EPHA6: variants seen among roughly 807,000 people sequenced by gnomAD.
EPHA6 encodes the protein ephrin type-A receptor 6.
Under a neutral mutation model 112.0 loss-of-function variants are expected in EPHA6, and 50 were observed. The observed-to-expected ratio is 0.45, with a 90% CI of 0.36 to 0.56. The LOEUF is 0.56. EPHA6 is among the 20% of genes least tolerant of loss of function. The pLI is 0.00. For missense variants in EPHA6, 1,280 were observed against 1,417.4 expected, an observed-to-expected ratio of 0.90 and a Z score of 1.56; for synonymous variants, 529 against 490.7, an observed-to-expected ratio of 1.08 and a Z score of -1.03.
chr3:97,196,751 G>A (rs538828448), intron 3 of EPHA6, among the ~76,000 whole-genome samples: 6 of 151,962 alleles, frequency 3.9e-5, no homozygotes, highest in East Asian at 2.0e-4. Flanking sequence ...GTCCTGTCTC[G>A]GTGGTCTTGG....
chr3:96,818,700 T>G (rs1184733717), intron 1 of EPHA6, among the ~76,000 whole-genome samples: 1 of 151,926 alleles, frequency 6.6e-6, no homozygotes, highest in African/African-American at 2.4e-5. Flanking sequence ...ATGGAGACAT[T>G]GAGGAAATTT....
chr3:97,579,614 C>T (rs558539486), intron 11 of EPHA6, among the ~76,000 whole-genome samples: 1 of 152,190 alleles, frequency 6.6e-6, no homozygotes, highest in South Asian at 2.1e-4. Context: ...TCAGTATTTA[C>T]CCACAGCCTC....
intron 6 of EPHA6, among the ~76,000 whole-genome samples, chr3:97,413,438 C>T (rs1369717584): frequency 1.3e-5 from 2 of 151,730 alleles, no homozygotes; most frequent in Admixed American, 1.3e-4. Context: ...TGAGGCAGAT[C>T]GTTACATTCG....
At chr3:97,455,671 A>C (rs2090658300) in intron 7 of EPHA6, among the ~76,000 whole-genome samples, 1 of 152,032 alleles carries the variant, frequency 6.6e-6, no homozygotes, top group East Asian at 1.9e-4. Context: ...TCAAGTTCAC[A>C]GAGCTGTGCA....
intron 10 of EPHA6, among the ~76,000 whole-genome samples, chr3:97,504,014 A>T (rs1204882191): frequency 1.3e-5 from 2 of 152,202 alleles, no homozygotes; most frequent in African/African-American, 4.8e-5. Context: ...CAGGATTTTA[A>T]GTATTTTATA....
chr3:97,661,085 A>T (rs2094166812), intron 14 of EPHA6, among the ~76,000 whole-genome samples: 1 of 152,158 alleles, frequency 6.6e-6, no homozygotes, highest in South Asian at 2.1e-4. Context: ...GGAAAATATT[A>T]GTTCCCTGCT....
intron 2 of EPHA6, among the ~76,000 whole-genome samples, chr3:96,912,200 A>G (rs2039253997): frequency 6.6e-6 from 1 of 152,142 alleles, no homozygotes; most frequent in Middle Eastern, 3.2e-3. Flanking sequence ...ATTGAATAGG[A>G]TTATAAATAT....
intron 3 of EPHA6, among the ~76,000 whole-genome samples, chr3:97,006,069 T>G (rs888100346): frequency 6.6e-6 from 1 of 152,212 alleles, no homozygotes; most frequent in African/African-American, 2.4e-5. Context: ...GATATTGGCC[T>G]GAAGTTTTCT....
At chr3:96,868,489 A>C (rs1056989598) in intron 2 of EPHA6, among the ~76,000 whole-genome samples, 4 of 151,948 alleles carry the variant, frequency 2.6e-5, no homozygotes, top group Admixed American at 2.6e-4. Context: ...AGTTTATAAC[A>C]TGTAAACCAG....
intron 14 of EPHA6, among the ~76,000 whole-genome samples, chr3:97,668,724 G>A (rs934976391): frequency 6.6e-6 from 1 of 151,440 alleles, no homozygotes; most frequent in Non-Finnish European, 1.5e-5. Flanking sequence ...GACCAGCCTG[G>A]GCAACATGGC....
chr3:97,087,636 T>C (rs1271221712), intron 3 of EPHA6, among the ~76,000 whole-genome samples: 1 of 152,146 alleles, frequency 6.6e-6, no homozygotes, highest in Non-Finnish European at 1.5e-5. Flanking sequence ...TTCTACACAT[T>C]GAAAGGGCCT....
chr3:97,044,974 A>G lies in EPHA6; in HGVS notation c.1114+56981A>G, dbSNP rs79971692. ...GGAAAAGAACTCTTCTCATATGGAT[A>G]AATTAGTAGAAGAAAACTTTATTGT... On this transcript the variant is annotated intron_variant, in intron 3 of 17. Coordinates refer to ENST00000389672, the MANE Select transcript of EPHA6 (RefSeq NM_001080448.3). Among the ~76,000 whole-genome samples the G allele has an allele frequency of 3.0e-4, 45 of 152,226 alleles. 1 individual carries two copies. The East Asian group carries it at 8.5e-3, about 29-fold the overall frequency.
chr3:97,632,935 C>T (rs1003356267), intron 13 of EPHA6, among the ~76,000 whole-genome samples: 1 of 152,018 alleles, frequency 6.6e-6, no homozygotes, highest in African/African-American at 2.4e-5. Context: ...TCAGGACAGC[C>T]TGGCACTCAG....
At chr3:97,381,550 C>T (rs974868489) in intron 5 of EPHA6, among the ~76,000 whole-genome samples, 1 of 152,110 alleles carries the variant, frequency 6.6e-6, no homozygotes, top group African/African-American at 2.4e-5. Context: ...AACCACATCA[C>T]ATGCGGAAAA....
At chr3:96,891,762 G>A (rs532817488) in intron 2 of EPHA6, among the ~76,000 whole-genome samples, 9 of 152,260 alleles carry the variant, frequency 5.9e-5, no homozygotes, top group African/African-American at 2.2e-4. Flanking sequence ...TTTTGACATA[G>A]ATGATAGCTA....
chr3:97,014,128 AC>A (rs1209491054), intron 3 of EPHA6, among the ~76,000 whole-genome samples: 1 of 152,082 alleles, frequency 6.6e-6, no homozygotes, highest in Non-Finnish European at 1.5e-5. Flanking sequence ...CCCATTTTAT[AC>A]CTCTTGTCTT....
chr3:96,936,798 C>T (rs569574133), intron 2 of EPHA6, among the ~76,000 whole-genome samples: 2 of 152,006 alleles, frequency 1.3e-5, no homozygotes, highest in African/African-American at 4.8e-5. Flanking sequence ...TGTGATATTC[C>T]CCTTCCTGTG....
chr3:96,838,264 G>A (rs981768973), intron 1 of EPHA6, among the ~76,000 whole-genome samples: 33 of 152,122 alleles, frequency 2.2e-4, no homozygotes, highest in Non-Finnish European at 4.4e-5. Flanking sequence ...ATTCCATGGT[G>A]TATATGTGCA....
chr3:97,582,964 C>A (rs2093453251), intron 11 of EPHA6, among the ~76,000 whole-genome samples: 1 of 151,494 alleles, frequency 6.6e-6, no homozygotes, highest in Non-Finnish European at 1.5e-5. Flanking sequence ...GACAGCAAGA[C>A]TCACACTAGC....
Sources: gnomAD v4.1 joint callset for allele counts (sites outside exome capture counted in the v4.1 genomes callset) on GRCh38, gnomAD v4.1.1 for gene constraint, MANE v1.5 for transcripts, NCBI Gene and HGNC (gene_info 2026-07-23, HGNC 2026-07-21) for gene names.